Variants in TCF4 observed in about 807,000 individuals in gnomAD.
TCF4 encodes SL3-3 enhancer factor 2.
TCF4 carries 3 observed loss-of-function variants against 82.1 expected under a neutral mutation model. That is an observed-to-expected ratio of 0.04 (90% confidence interval 0.02 to 0.09). The LOEUF is 0.09. TCF4 is among the 10% of genes least tolerant of loss of function. The pLI is 1.00. For synonymous variants in TCF4, 276 were observed against 309.6 expected (o/e 0.89, Z 1.14); for missense variants, 518 against 852.7 (o/e 0.61, Z 4.89).
upstream of TCF4, chr18:55,588,647 C>G: frequency 7.2e-7 from 1 of 1,384,502 alleles, no homozygotes; most frequent in Non-Finnish European, 9.4e-7. Flanking sequence ...CAAGTTTATA[C>G]TAGGCTGCAA....
chr18:55,251,515 T>C (rs1308764030), intron 15 of TCF4, among the ~76,000 whole-genome samples: 2 of 152,130 alleles, frequency 1.3e-5, no homozygotes, highest in Non-Finnish European at 2.9e-5. Flanking sequence ...AAGAAATGCT[T>C]ATATCACCTT....
chr18:55,631,770 A>G (rs547212669), intron 1 of TCF4, among the ~76,000 whole-genome samples: 1 of 152,238 alleles, frequency 6.6e-6, no homozygotes, highest in East Asian at 1.9e-4. Context: ...AGCAGCAGTT[A>G]TTTCGATTTG....
rs1019901014 is a variant in TCF4 at position 55,588,108 on chromosome 18, G to A, written c.-91C>T. The stretch of plus-strand genomic sequence containing the variant: ...GCGGCGTTCATGTCTAACCGCCGCC[G>A]CCACCGCCGCCGCCTGCTCCTGCGC... On this transcript the variant is annotated 5_prime_UTR_variant, in exon 1 of 20. Transcript: ENST00000354452. 4 of 1,027,190 alleles carry A rather than the reference G, an allele frequency of 3.9e-6. No individual in the cohort carries two copies. Among genetic ancestry groups the A allele is most frequent in the African/African-American group, 1.7e-5 (1 of 57,972 alleles). 63.6% of individuals were successfully genotyped at this position (1,027,190 alleles called of 1,614,324 possible). A position where few individuals can be genotyped will look rare whatever the true frequency, so the allele number is the denominator to read the frequency against.
intron 15 of TCF4, among the ~76,000 whole-genome samples, chr18:55,242,200 C>G (rs944315506): frequency 1.3e-5 from 2 of 152,188 alleles, no homozygotes; most frequent in Admixed American, 6.5e-5. Flanking sequence ...ACCTCACGAG[C>G]TCACTATGCA....
chr18:55,390,286 T>TAAAAA (rs56965997), intron 6 of TCF4, among the ~76,000 whole-genome samples: 58 of 82,096 alleles, frequency 7.1e-4, no homozygotes, highest in South Asian at 8.6e-4. Flanking sequence ...CCCTGACTCT[T>TAAAAA]AAAAAAAAAA....
intron 8 of TCF4, among the ~76,000 whole-genome samples, chr18:55,333,428 C>G (rs2077992128): frequency 6.6e-6 from 1 of 151,694 alleles, no homozygotes; most frequent in South Asian, 2.1e-4. Flanking sequence ...TCTCTATTGT[C>G]TATGGCACTT....
intron 5 of TCF4, among the ~76,000 whole-genome samples, chr18:55,444,439 G>A (rs1029889702): frequency 1.3e-5 from 2 of 152,162 alleles, no homozygotes; most frequent in African/African-American, 2.4e-5. Context: ...GGGAATACAA[G>A]GTGTGATTAA....
chr18:55,510,788 T>C (rs1603617880), intron 3 of TCF4: 1 of 1,244,328 alleles, frequency 8.0e-7, no homozygotes, highest in Admixed American at 4.0e-5. Context: ...TAGATTTTAA[T>C]TTATTTGTAT....
intron 5 of TCF4, among the ~76,000 whole-genome samples, chr18:55,435,837 C>T (rs370859284): frequency 6.6e-6 from 1 of 152,240 alleles, no homozygotes; most frequent in Non-Finnish European, 1.5e-5. Context: ...CTGTAAGGAG[C>T]TCCCACAGGA....
intron 3 of TCF4, among the ~76,000 whole-genome samples, chr18:55,532,946 G>T (rs186164207): frequency 8.5e-5 from 13 of 152,064 alleles, no homozygotes; most frequent in Admixed American, 5.2e-4. Context: ...TGTACATAAA[G>T]GTATTATAAA....
At chr18:55,319,983 C>T (rs2075093933) in intron 8 of TCF4, among the ~76,000 whole-genome samples, 1 of 152,138 alleles carries the variant, frequency 6.6e-6, no homozygotes, top group African/African-American at 2.4e-5. Context: ...GTAAGTCTTT[C>T]ATTACGGATA....
At chr18:55,228,667 A>G (rs1283399125) in intron 18 of TCF4, among the ~76,000 whole-genome samples, 180 bp downstream of exon 18, 1 of 152,224 alleles carries the variant, frequency 6.6e-6, no homozygotes, top group Admixed American at 6.5e-5. Context: ...CCCACAACTT[A>G]ATTACAGGAG....
At chr18:55,301,822 G>GGGGGA (rs1555848698) in intron 8 of TCF4, among the ~76,000 whole-genome samples, 1 of 137,170 alleles carries the variant, frequency 7.3e-6, no homozygotes. Flanking sequence ...AGTGGGGGGG[G>GGGGGA]ATTCGGGTGG....
intron 5 of TCF4, among the ~76,000 whole-genome samples, chr18:55,417,027 T>C (rs1463340644): frequency 1.3e-5 from 2 of 152,214 alleles, no homozygotes; most frequent in Non-Finnish European, 2.9e-5. Context: ...ACAAGTTAAA[T>C]GTTCCATGGT....
chr18:55,524,902 G>T (rs752978195), intron 3 of TCF4, among the ~76,000 whole-genome samples: 2 of 152,152 alleles, frequency 1.3e-5, no homozygotes, highest in Non-Finnish European at 2.9e-5. Flanking sequence ...TGATAAAAAG[G>T]AATAATACTC....
chr18:55,243,100 A>G (rs1035668028), intron 15 of TCF4, among the ~76,000 whole-genome samples: 3 of 152,216 alleles, frequency 2.0e-5, no homozygotes, highest in Non-Finnish European at 4.4e-5. Context: ...ATTTTGATAT[A>G]GATTATCCAA....
intron 5 of TCF4, among the ~76,000 whole-genome samples, chr18:55,413,539 C>G (rs901012504): frequency 6.6e-6 from 1 of 152,122 alleles, no homozygotes; most frequent in Non-Finnish European, 1.5e-5. Context: ...CAGAGTCCAA[C>G]CAGCCTGCAG....
intron 3 of TCF4, chr18:55,553,294 A>C (rs1280247295): frequency 6.6e-6 from 1 of 152,244 alleles, no homozygotes; most frequent in South Asian, 2.1e-4. Flanking sequence ...ATAAATCCTC[A>C]ACATCAAGAC....
chr18:55,625,191 A>C (rs1221064303), intron 2 of TCF4, among the ~76,000 whole-genome samples: 1 of 152,060 alleles, frequency 6.6e-6, no homozygotes, highest in Non-Finnish European at 1.5e-5. Flanking sequence ...ATATACAGTT[A>C]TACAAATGTT....
Sources: allele counts gnomAD v4.1 joint callset (sites outside exome capture counted in the v4.1 genomes callset), GRCh38; gene constraint gnomAD v4.1.1; transcripts MANE v1.5; gene names NCBI Gene and HGNC (gene_info 2026-07-23, HGNC 2026-07-21).